EBF4: variants seen among roughly 807,000 people sequenced by gnomAD.
EBF4 encodes EBF transcription factor 4, also known as transcription factor COE4.
A neutral mutation model predicts 67.1 loss-of-function variants in EBF4; 34 were observed. The ratio of observed to expected loss-of-function variants is 0.51; its 90% CI spans 0.39 to 0.67. The LOEUF (loss-of-function observed/expected upper bound fraction) is 0.67. Among genes scored for constraint, EBF4 ranks in the 30% least tolerant of loss-of-function variants. EBF4 has a pLI of 0.00. For synonymous variants in EBF4, 387 were observed against 377.7 expected (o/e 1.02, Z -0.29); for missense variants, 837 against 873.3 (o/e 0.96, Z 0.52).
chr20:2,755,550 C>T lies in EBF4; in HGVS notation c.1541-77C>T, dbSNP rs903116592. The T allele has an allele frequency of 6.6e-6, 5 of 754,760 alleles. No individual in the cohort carries two copies. In the African/African-American group the frequency reaches 8.6e-5, roughly 13 times the overall value. The allele number at this position is 754,760 out of a possible 1,614,324, so 46.8% of individuals were successfully genotyped here. ...CATGTGGGGCCCCAGCCAAGCTGCT[C>T]ACTCTGGTGCTGTCTCCCTGTTGTG... On this transcript the variant is annotated intron_variant, in intron 14 of 16. Transcript: ENST00000609451. The surrounding 1 kb of genome is among the most constrained non-coding windows in gnomAD (Gnocchi z 4.7).
chr20:2,719,380 T>C (rs2087650119), intron 6 of EBF4, among the ~76,000 whole-genome samples: 1 of 152,204 alleles, frequency 6.6e-6, no homozygotes, highest in Non-Finnish European at 1.5e-5. Context: ...GCTCAAGCGA[T>C]TCTCCTGCCT....
intron 6 of EBF4, among the ~76,000 whole-genome samples, chr20:2,730,140 A>G (rs6084144): frequency 0.32 from 48,268 of 152,104 alleles, 8,294 homozygotes; most frequent in African/African-American, 0.46. Flanking sequence ...TAGTTTCCTA[A>G]GGCTGTCCTA....
intron 1 of EBF4, 85 bp from the exon 2 acceptor site, chr20:2,705,492 C>T (rs1391989523): frequency 1.3e-6 from 2 of 1,536,176 alleles, no homozygotes; most frequent in African/African-American, 2.8e-5. Context: ...CATGTCCTGG[C>T]TAGCATGCCT....
chr20:2,718,654 A>G (rs1414533156), intron 6 of EBF4, among the ~76,000 whole-genome samples: 1 of 152,306 alleles, frequency 6.6e-6, no homozygotes, highest in African/African-American at 2.4e-5. Context: ...GATACTGGCA[A>G]ATTGTGTCTT....
rs4815542 is a variant in EBF4, at chr20:2,745,081, G to A, written c.558-3468G>A. Among the ~76,000 whole-genome samples the A allele has an allele frequency of 0.66, 100,623 of 152,106 alleles. 35,386 individuals carry two copies. Among genetic ancestry groups the A allele is most frequent in the African/African-American group, 0.9 (37,376 of 41,526 alleles). On this transcript the variant is annotated intron_variant, in intron 6 of 16. Transcript: ENST00000609451. This position sits in a 1 kb window ranked among gnomAD's most constrained non-coding sequence, Gnocchi z 5.2. ...GTAATGGGTAGCGCAGCTCCAGTGC[G>A]GTAGTTCTCAAACTTCAGGGTGAAC...
chr20:2,718,778 GA>G (rs749036607), intron 6 of EBF4, among the ~76,000 whole-genome samples: 1 of 151,782 alleles, frequency 6.6e-6, no homozygotes, highest in Non-Finnish European at 1.5e-5. Context: ...TTGTTTCATT[GA>G]TTTCCACTTT....
Position 2,707,889 on chromosome 20 carries a change from C to A in EBF4, c.415-58C>A. 6.7e-7 allele frequency: 1 copy of A among 1,487,232 alleles called. No homozygotes were observed. The allele number at this position is 1,487,232 out of a possible 1,614,324, so 92.1% of individuals were successfully genotyped here. On this transcript the variant is annotated intron_variant, in intron 4 of 16. Coordinates refer to ENST00000609451, the Ensembl canonical transcript of EBF4. The surrounding 1 kb of genome is among the most constrained non-coding windows in gnomAD (Gnocchi z 4.6). ...GAGATGCCAGGTCCGTCTGTGCTGC[C>A]ACCTGCACCTCAGAGGAGCCTCCTT...
chr20:2,716,673 A>C (rs1221272443), intron 6 of EBF4, among the ~76,000 whole-genome samples: 3 of 152,196 alleles, frequency 2.0e-5, no homozygotes, highest in African/African-American at 7.2e-5. Flanking sequence ...TTAAGGAATC[A>C]ATGTAATTAT....
At chr20:2,752,027 G>GC (rs752326334) in intron 12 of EBF4, 40 bp downstream of exon 12, 81 of 1,524,442 alleles carry the variant, frequency 5.3e-5, no homozygotes, top group African/African-American at 1.4e-4. Context: ...CGGGACCGGG[G>GC]CCCCCCAGCA....
chr20:2,721,951 T>C (rs1480195486), intron 6 of EBF4, among the ~76,000 whole-genome samples: 1 of 152,260 alleles, frequency 6.6e-6, no homozygotes, highest in Non-Finnish European at 1.5e-5. Flanking sequence ...GTGAACTTTT[T>C]CTTGTTGGGT....
chr20:2,740,917 G>T (rs2087957672), intron 6 of EBF4, among the ~76,000 whole-genome samples: 1 of 152,040 alleles, frequency 6.6e-6, no homozygotes, highest in Non-Finnish European at 1.5e-5. Flanking sequence ...AGATTACCTT[G>T]GGGCAGCTGC....
intron 6 of EBF4, among the ~76,000 whole-genome samples, chr20:2,718,641 C>A (rs2146417165): frequency 6.6e-6 from 1 of 152,328 alleles, no homozygotes; most frequent in East Asian, 1.9e-4. Context: ...CTCTCTCATT[C>A]CTGATACTGG....
At chr20:2,744,399 C>G (rs1490148309) in intron 6 of EBF4, among the ~76,000 whole-genome samples, 1 of 151,994 alleles carries the variant, frequency 6.6e-6, no homozygotes, top group Non-Finnish European at 1.5e-5. Flanking sequence ...GACATACACT[C>G]CAGTGAAGCA....
chr20:2,753,997 C>G (rs1229635007), intron 14 of EBF4, among the ~76,000 whole-genome samples: 1 of 152,258 alleles, frequency 6.6e-6, no homozygotes, highest in East Asian at 1.9e-4. Context: ...TATGGAACAT[C>G]ACATACACTG....
At chr20:2,736,988 G>C (rs762200136) in intron 6 of EBF4, among the ~76,000 whole-genome samples, 7 of 152,032 alleles carry the variant, frequency 4.6e-5, no homozygotes, top group Admixed American at 1.3e-4. Flanking sequence ...GGTGGCTCAC[G>C]CTTGTAATCC....
chr20:2,695,455 C>G (rs730654), intron 1 of EBF4, among the ~76,000 whole-genome samples: 82,456 of 152,052 alleles, frequency 0.54, 25,233 homozygotes, highest in African/African-American at 0.83. Flanking sequence ...TCCAGTCTGA[C>G]TCCCCACATT....
At chr20:2,709,260 T>G (rs1426611630) in intron 5 of EBF4, among the ~76,000 whole-genome samples, 1 of 152,216 alleles carries the variant, frequency 6.6e-6, no homozygotes, top group East Asian at 1.9e-4. Context: ...CTGCGTAGAC[T>G]GTGCTTCCAT....
chr20:2,698,895 C>T (rs533140634), intron 1 of EBF4, among the ~76,000 whole-genome samples: 1 of 152,238 alleles, frequency 6.6e-6, no homozygotes, highest in African/African-American at 2.4e-5. Context: ...CTGGGGGTGC[C>T]TCTGAGAGGA....
chr20:2,741,918 C>T (rs942608470), intron 6 of EBF4, among the ~76,000 whole-genome samples: 1 of 152,262 alleles, frequency 6.6e-6, no homozygotes, highest in Non-Finnish European at 1.5e-5. Context: ...AAGATCTTCT[C>T]GACTGATAGC....
Sources: allele counts gnomAD v4.1 joint callset (sites outside exome capture counted in the v4.1 genomes callset), GRCh38; gene constraint gnomAD v4.1.1; non-coding constraint Gnocchi (gnomAD v3.1); transcripts MANE v1.5; gene names NCBI Gene and HGNC (gene_info 2026-07-23, HGNC 2026-07-21).